The following MCUB variants were observed in gnomAD, a reference collection of about 807,000 sequenced individuals.
The protein encoded by MCUB is mitochondrial calcium uniporter dominant negative subunit beta.
Under a neutral mutation model 41.4 loss-of-function variants are expected in MCUB, and 46 were observed. That is an observed-to-expected ratio of 1.11 (90% CI 0.88 to 1.42). The LOEUF is 1.42. MCUB is among the 40% of genes most tolerant of loss of function. The pLI, the probability that MCUB is intolerant of heterozygous loss-of-function variation, is 0.00. For missense variants in MCUB, 403 were observed against 404.9 expected (o/e 1.00, Z 0.04); for synonymous variants, 148 against 148.2 (o/e 1.00, Z 0.01).
At chr4:109,626,521 A>G (rs551030959) in intron 1 of MCUB, among the ~76,000 whole-genome samples, 54 of 152,198 alleles carry the variant, frequency 3.5e-4, no homozygotes, top group African/African-American at 1.3e-3. Flanking sequence ...TTAATTAAAA[A>G]GAAATCCTGG....
chr4:109,569,403 A>G (rs539523552), intron 1 of MCUB, among the ~76,000 whole-genome samples: 118 of 151,992 alleles, frequency 7.8e-4, no homozygotes, highest in African/African-American at 2.6e-3. Context: ...ATATACTTTC[A>G]TATCAGGATT....
chr4:109,560,371 C>A lies in MCUB; in HGVS notation c.34C>A (p.Arg12=), dbSNP rs1726591387. Residue 12 remains arginine (R), a synonymous_variant, in exon 1 of 8, where the codon CGG becomes AGG. Transcript: ENST00000394650. ...LQRGLWPWRT[R]LLPTPGTWRP... ...GAGGGGCCTCTGGCCGTGGCGCACGCGGCTGCTGCCGACCCCTGGCACCTG... is the reference window on the plus strand; with the variant it reads ...GAGGGGCCTCTGGCCGTGGCGCACGAGGCTGCTGCCGACCCCTGGCACCTG... 1.5e-6 allele frequency: 2 copies of A among 1,326,526 alleles called. No individual in the cohort carries two copies. The highest frequency in any genetic ancestry group is 2.0e-5 in the South Asian group (1 of 48,836). The allele number at this position is 1,326,526 out of a possible 1,614,324, so 82.2% of individuals were successfully genotyped here. A position where few individuals can be genotyped will look rare whatever the true frequency, so the allele number is the denominator to read the frequency against.
At chr4:109,684,141 C>A (rs1277491675) in intron 5 of MCUB, among the ~76,000 whole-genome samples, 1 of 151,070 alleles carries the variant, frequency 6.6e-6, no homozygotes, top group Non-Finnish European at 1.5e-5. Flanking sequence ...TGGCTCACTG[C>A]AAGCTCCACC....
At chr4:109,570,303 A>G (rs1031984221) in intron 1 of MCUB, among the ~76,000 whole-genome samples, 3 of 152,144 alleles carry the variant, frequency 2.0e-5, no homozygotes, top group African/African-American at 4.8e-5. Context: ...TGTATCTTTT[A>G]TATCTTTGGG....
chr4:109,642,777 A>G (rs2126140695), intron 1 of MCUB, among the ~76,000 whole-genome samples: 1 of 152,254 alleles, frequency 6.6e-6, no homozygotes, highest in African/African-American at 2.4e-5. Flanking sequence ...TCTACTTTAA[A>G]GAGATGAAGA....
chr4:109,586,629 G>T (rs200032508), intron 1 of MCUB, among the ~76,000 whole-genome samples: 1 of 152,048 alleles, frequency 6.6e-6, no homozygotes, highest in Non-Finnish European at 1.5e-5. Context: ...ACCTACAGAT[G>T]GGGTTTTGGT....
chr4:109,637,525 A>G (rs928819816), intron 1 of MCUB, among the ~76,000 whole-genome samples: 1 of 152,244 alleles, frequency 6.6e-6, no homozygotes, highest in Non-Finnish European at 1.5e-5. Context: ...CAAGTGAATA[A>G]AGAAAATGTA....
intron 1 of MCUB, among the ~76,000 whole-genome samples, chr4:109,632,354 A>G (rs1728491567): frequency 6.6e-6 from 1 of 151,626 alleles, no homozygotes; most frequent in South Asian, 2.1e-4. Flanking sequence ...TTTCAACTAG[A>G]GAAATCTAAT....
At chr4:109,638,225 C>T (rs972490696) in intron 1 of MCUB, among the ~76,000 whole-genome samples, 9 of 152,106 alleles carry the variant, frequency 5.9e-5, no homozygotes, top group East Asian at 5.8e-4. Flanking sequence ...GACATGGTGG[C>T]GCATGCCTGT....
intron 1 of MCUB, among the ~76,000 whole-genome samples, chr4:109,654,350 C>A (rs1188449575): frequency 6.6e-6 from 1 of 152,134 alleles, no homozygotes; most frequent in Non-Finnish European, 1.5e-5. Flanking sequence ...GTGGCTCACG[C>A]CTGTAATCCC....
chr4:109,595,776 G>A (rs1179355633), intron 1 of MCUB, among the ~76,000 whole-genome samples: 3 of 152,300 alleles, frequency 2.0e-5, no homozygotes, highest in African/African-American at 4.8e-5. Flanking sequence ...TTAGAATGGA[G>A]GAGATTGTAG....
chr4:109,587,260 T>G (rs1309099268), intron 1 of MCUB, among the ~76,000 whole-genome samples: 1 of 152,262 alleles, frequency 6.6e-6, no homozygotes, highest in Non-Finnish European at 1.5e-5. Flanking sequence ...TGGGACCCAC[T>G]GAGCCAGGCA....
intron 1 of MCUB, among the ~76,000 whole-genome samples, chr4:109,654,337 G>A (rs1364673847): frequency 6.6e-6 from 1 of 152,214 alleles, no homozygotes; most frequent in Admixed American, 6.5e-5. Flanking sequence ...TCAGCCAGGT[G>A]TGGTGGCTCA....
intron 1 of MCUB, among the ~76,000 whole-genome samples, chr4:109,563,792 T>A (rs2126122361): frequency 6.6e-6 from 1 of 152,336 alleles, no homozygotes; most frequent in Middle Eastern, 3.4e-3. Flanking sequence ...GAAACTAAGG[T>A]AGAAAACCTC....
Position 109,684,823 on chromosome 4 carries a change from TTATA to T in MCUB, c.816+182_816+185del, listed in dbSNP as rs1276019707. The T allele has an allele frequency of 2.3e-5, 12 of 527,212 alleles. No homozygotes were observed. The South Asian group carries it at 2.4e-4, about 11-fold the overall frequency. The allele number at this position is 527,212 out of a possible 1,614,324, so 32.7% of individuals were successfully genotyped here. ...AATGAAGACTCACAACACAGAGAAA[TTATA>T]TATAACTTCTTTGGAGAAGTAATTA... On this transcript the variant is annotated intron_variant, in intron 6 of 7. Transcript: ENST00000394650.
intron 1 of MCUB, among the ~76,000 whole-genome samples, chr4:109,603,711 T>A (rs1349657629): frequency 6.7e-6 from 1 of 148,900 alleles, no homozygotes; most frequent in African/African-American, 2.5e-5. Flanking sequence ...TCTGTCCGGC[T>A]GCCCCATCTG....
intron 1 of MCUB, among the ~76,000 whole-genome samples, chr4:109,648,993 TTTA>T (rs1728901286): frequency 2.6e-5 from 4 of 152,148 alleles, no homozygotes; most frequent in African/African-American, 4.8e-5. Context: ...TTTTATTTAT[TTTA>T]TGCATATATT....
intron 1 of MCUB, among the ~76,000 whole-genome samples, chr4:109,589,364 T>G: frequency 6.6e-6 from 1 of 152,174 alleles, no homozygotes; most frequent in East Asian, 1.9e-4. Context: ...TAGGAATAAC[T>G]TTCCAGGGAG....
rs58110408 is a variant in MCUB at position 109,646,958 on chromosome 4, A to G, written c.100-12053A>G. Among the ~76,000 whole-genome samples, 1,137 of 152,370 alleles carry G rather than the reference A, an allele frequency of 7.5e-3. 27 individuals carry two copies. Among genetic ancestry groups the G allele is most frequent in the South Asian group, 0.06 (292 of 4,830 alleles). On this transcript the variant is annotated intron_variant, in intron 1 of 7. Transcript: ENST00000394650. The stretch of plus-strand genomic sequence containing the variant: ...ACTCAGCATTGATAGAAGTAACTAT[A>G]GAACAAGAGCTGGCAAATAACAGCA...
Sources: gnomAD v4.1 joint callset for allele counts (sites outside exome capture counted in the v4.1 genomes callset) on GRCh38, gnomAD v4.1.1 for gene constraint, MANE v1.5 for transcripts, NCBI Gene and HGNC (gene_info 2026-07-23, HGNC 2026-07-21) for gene names.